TRAPPC8: variants seen among roughly 807,000 people sequenced by gnomAD.
TRAPPC8 encodes trafficking protein particle complex subunit 8, also known as general sporulation gene 1 homolog.
A neutral mutation model predicts 174.3 loss-of-function variants in TRAPPC8; 54 were observed. That is an observed-to-expected ratio of 0.31 (90% CI 0.25 to 0.39). TRAPPC8 has a LOEUF of 0.39. Among genes scored for constraint, TRAPPC8 ranks in the 10% least tolerant of loss-of-function variants. The probability of loss-of-function intolerance (pLI) is 1.00; values close to 1 mark genes in which losing one functional copy is unlikely to be tolerated. For missense variants in TRAPPC8, 1,531 were observed against 1,699.1 expected (o/e 0.90, Z 1.74); for synonymous variants, 630 against 579.9 (o/e 1.09, Z -1.24).
In TRAPPC8 at chr18:31,935,364, C is replaced by CCAAAAA. The variant is rs1555682735; in HGVS notation, c.158-3842_158-3841insTTTTTG. 7.4e-5 allele frequency among the ~76,000 whole-genome samples: 8 copies of CCAAAAA among 108,214 alleles called. No homozygotes were observed. In the Admixed American group the frequency reaches 8.4e-4, roughly 11 times the overall value. 71.0% of individuals were successfully genotyped at this position (108,214 alleles called of 152,430 possible). ...CTCAAAAACAAACAAACAAACAAAC[C>CCAAAAA]AAAAAAAAAACAGGCTTTATAAATA... On this transcript the variant is annotated intron_variant, in intron 1 of 28. Transcript: ENST00000283351.
In TRAPPC8 at chr18:31,853,753, G is replaced by T. The variant is rs966009454; in HGVS notation, c.3433+96C>A. 6 of 854,070 alleles carry T rather than the reference G, an allele frequency of 7.0e-6. No homozygotes were observed. In the Admixed American group the frequency reaches 1.9e-4, roughly 28 times the overall value. The allele number at this position is 854,070 out of a possible 1,614,324, so 52.9% of individuals were successfully genotyped here. A position where few individuals can be genotyped will look rare whatever the true frequency, so the allele number is the denominator to read the frequency against. On this transcript the variant is annotated intron_variant, in intron 22 of 28. Transcript: ENST00000283351. Reference sequence around the variant, plus strand: ...AAATCACAATTTAATGCTTAAAAAAGTTAATCCTAATAATCTTAAGACATT... The same window carrying T: ...AAATCACAATTTAATGCTTAAAAAATTTAATCCTAATAATCTTAAGACATT...
intron 4 of TRAPPC8, among the ~76,000 whole-genome samples, chr18:31,913,740 T>C (rs1337756508): frequency 6.6e-6 from 1 of 152,176 alleles, no homozygotes; most frequent in Non-Finnish European, 1.5e-5. Flanking sequence ...AATTGAAATT[T>C]AGCTAGCTTA....
chr18:31,880,117 ATATATTTT>A (rs1269756913), intron 12 of TRAPPC8, among the ~76,000 whole-genome samples: 6,451 of 106,542 alleles, frequency 0.061, 239 homozygotes, highest in Middle Eastern at 0.12. Flanking sequence ...ATATATATAT[ATATATTTT>A]TTTTTTTTTA....
intron 27 of TRAPPC8, among the ~76,000 whole-genome samples, chr18:31,835,906 T>A (rs1007580739): frequency 1.3e-5 from 2 of 152,234 alleles, no homozygotes; most frequent in Non-Finnish European, 2.9e-5. Context: ...TAGCAGCTGC[T>A]CCTTTGGACT....
At chr18:31,874,316 T>C (rs1168709880) in intron 13 of TRAPPC8, 164 bp downstream of exon 13, 1 of 640,924 alleles carries the variant, frequency 1.6e-6, no homozygotes. Context: ...GAAGGGGCAA[T>C]GTAACCAAGA....
intron 19 of TRAPPC8, among the ~76,000 whole-genome samples, chr18:31,859,904 T>C (rs1399445737): frequency 6.6e-6 from 1 of 151,766 alleles, no homozygotes; most frequent in Non-Finnish European, 1.5e-5. Flanking sequence ...TAATCCCAGC[T>C]ACTCAGGAGG....
At chr18:31,856,916 A>C (rs1036908093) in intron 20 of TRAPPC8, among the ~76,000 whole-genome samples, 1 of 149,842 alleles carries the variant, frequency 6.7e-6, no homozygotes, top group Non-Finnish European at 1.5e-5. Context: ...GGCTCAAGCG[A>C]ATCTCCTGCC....
intron 7 of TRAPPC8, 90 bp from the exon 8 acceptor site, chr18:31,908,508 C>A: frequency 1.0e-6 from 1 of 953,010 alleles, no homozygotes; most frequent in South Asian, 2.1e-5. Context: ...GCTTTAATAG[C>A]AAATGTTCAT....
chr18:31,852,870 T>C (rs3737373), intron 22 of TRAPPC8: 150,455 of 537,790 alleles, frequency 0.28, 23,831 homozygotes, highest in South Asian at 0.51. Context: ...TATCCATGTG[T>C]GCACATGTAT....
At chr18:31,922,216 A>C (rs1294527568) in intron 2 of TRAPPC8, among the ~76,000 whole-genome samples, 1 of 152,218 alleles carries the variant, frequency 6.6e-6, no homozygotes, top group Non-Finnish European at 1.5e-5. Flanking sequence ...ATTAAAAATA[A>C]ATTAAAAAGC....
intron 2 of TRAPPC8, among the ~76,000 whole-genome samples, chr18:31,919,631 T>C (rs757637941): frequency 6.7e-5 from 10 of 150,004 alleles, no homozygotes; most frequent in Admixed American, 2.7e-4. Flanking sequence ...CTGAGGTGAG[T>C]GGACTGCTTG....
intron 1 of TRAPPC8, among the ~76,000 whole-genome samples, chr18:31,938,134 T>C (rs1354175137): frequency 4.6e-5 from 7 of 152,182 alleles, no homozygotes; most frequent in African/African-American, 1.7e-4. Context: ...CAACATTGTT[T>C]AGAACTATCA....
At chr18:31,840,661 T>A (rs186422606) in intron 26 of TRAPPC8, among the ~76,000 whole-genome samples, 2 of 152,340 alleles carry the variant, frequency 1.3e-5, no homozygotes, top group Non-Finnish European at 2.9e-5. Flanking sequence ...GTCAACATAC[T>A]GTCTATGGCT....
chr18:31,855,512 ATT>A, intron 21 of TRAPPC8, 146 bp downstream of exon 21: 1 of 654,810 alleles, frequency 1.5e-6, no homozygotes, highest in Non-Finnish European at 2.5e-6. Flanking sequence ...CTAATGAAGA[ATT>A]AAGATGATTT....
chr18:31,922,114 GA>G (rs2037416485), intron 2 of TRAPPC8, among the ~76,000 whole-genome samples: 1 of 151,564 alleles, frequency 6.6e-6, no homozygotes, highest in South Asian at 2.1e-4. Context: ...TGTTTGAGGG[GA>G]AAAAAAAGAA....
intron 11 of TRAPPC8, 35 bp from the exon 12 acceptor site, chr18:31,890,901 C>A: frequency 6.4e-7 from 1 of 1,567,366 alleles, no homozygotes; most frequent in South Asian, 1.2e-5. Context: ...AGGTTAGTTT[C>A]ACCAAGTTAA....
In TRAPPC8 at chr18:31,852,492, G is replaced by C; in HGVS notation, c.3515C>G (p.Ser1172Cys). The C allele has an allele frequency of 1.2e-6, 2 of 1,614,122 alleles. No individual in the cohort carries two copies. The highest frequency in any genetic ancestry group is 1.7e-6 in the Non-Finnish European group (2 of 1,180,008). Residue 1172 changes from serine (S) to cysteine (C), a missense_variant, in exon 24 of 29, where the codon TCC becomes TGC. Transcript: ENST00000283351. The stretch of plus-strand genomic sequence containing the variant: ...ATCTGCAAAGGTATATTTTTCAGAG[G>C]ACTGTGTGGCCGCTAAAAAACAGGG... ...RCEKEEAATQ[S>C]SEKYTFADII...
At chr18:31,941,019 G>A (rs769961602) in intron 1 of TRAPPC8, among the ~76,000 whole-genome samples, 1 of 148,776 alleles carries the variant, frequency 6.7e-6, no homozygotes, top group Non-Finnish European at 1.5e-5. Context: ...GCAATAACAG[G>A]ATTCAATGAG....
rs182890908 is a variant in TRAPPC8, at chr18:31,940,857, T to C, written c.157+1751A>G. On this transcript the variant is annotated intron_variant, in intron 1 of 28. Transcript: ENST00000283351. ...ATTTCAATTAGACAGCACTGCTCTATGGTGTAAATACATAATTCTAAATAC... is the reference window on the plus strand; with the variant it reads ...ATTTCAATTAGACAGCACTGCTCTACGGTGTAAATACATAATTCTAAATAC... Among the ~76,000 whole-genome samples the C allele has an allele frequency of 1.2e-4, 19 of 152,320 alleles. No homozygotes were observed. The East Asian group carries it at 2.1e-3, about 17-fold the overall frequency.
Sources: allele counts gnomAD v4.1 joint callset (sites outside exome capture counted in the v4.1 genomes callset), GRCh38; gene constraint gnomAD v4.1.1; transcripts MANE v1.5; gene names NCBI Gene and HGNC (gene_info 2026-07-23, HGNC 2026-07-21).